Variants in WNT4 observed in about 807,000 individuals in gnomAD.
WNT4 encodes protein Wnt-4.
In WNT4, 16 loss-of-function variants were observed where a neutral mutation model predicts 34.5. That is an observed-to-expected ratio of 0.46 (90% CI 0.31 to 0.70). The LOEUF is 0.70. Among genes scored for constraint, WNT4 ranks in the 30% least tolerant of loss-of-function variants. The probability of loss-of-function intolerance (pLI) is 0.04; values close to 1 mark genes in which losing one functional copy is unlikely to be tolerated. For missense variants in WNT4, 379 were observed against 495.9 expected (o/e 0.76, Z 2.24); for synonymous variants, 200 against 211.9 (o/e 0.94, Z 0.49).
chr1:22,120,142 G>C lies in WNT4; in HGVS notation c.964C>G (p.Leu322Val). Reference sequence around the variant, plus strand: ...AATTTGCAGCTGCAGCGTTCAGCCAGCTCCACCTGCGCCGTGTGGAAGCCG... The same window carrying C: ...AATTTGCAGCTGCAGCGTTCAGCCACCTCCACCTGCGCCGTGTGGAAGCCG... ...GRGFHTAQVE[L>V]AERCSCKFHW... The change falls in exon 5 of 5, where the codon CTG (leucine) becomes GTG (valine). Residue 322 changes from leucine to valine, a missense_variant. Leu to Val is a conservative substitution (Grantham distance 32, BLOSUM62 1). Coordinates refer to ENST00000290167, the MANE Select transcript of WNT4 (RefSeq NM_030761.5). The C allele has an allele frequency of 1.2e-6, 2 of 1,613,398 alleles. No homozygotes were observed. Among genetic ancestry groups the C allele is most frequent in the African/African-American group, 2.7e-5 (2 of 75,058 alleles).
chr1:22,132,307 C>CT (rs1212944446), intron 1 of WNT4, among the ~76,000 whole-genome samples: 2 of 152,190 alleles, frequency 1.3e-5, no homozygotes, highest in African/African-American at 2.4e-5. Context: ...GCCAAGAAGG[C>CT]TGCATCTGGC....
intron 1 of WNT4, among the ~76,000 whole-genome samples, chr1:22,130,547 G>C (rs1393732297): frequency 6.6e-6 from 1 of 152,242 alleles, no homozygotes; most frequent in Non-Finnish European, 1.5e-5. Context: ...GTCTCCCAAG[G>C]GTTGGGGATT....
rs2124095375 is a variant in WNT4, at chr1:22,119,944, C to T, written c.*106G>A. The T allele has an allele frequency of 7.0e-7, 1 of 1,425,398 alleles. No homozygotes were observed. The highest frequency in any genetic ancestry group is 1.3e-5 in the South Asian group (1 of 78,990). 88.3% of individuals were successfully genotyped at this position (1,425,398 alleles called of 1,614,324 possible). ...TGAGGACCCAAAAACCAAACCAGAA[C>T]AAAAAATACAACCAGTATCTCTTGG... On this transcript the variant is annotated 3_prime_UTR_variant, in exon 5 of 5. Transcript: ENST00000290167.
chr1:22,124,768 G>A (rs545206287), intron 2 of WNT4, among the ~76,000 whole-genome samples: 1 of 152,288 alleles, frequency 6.6e-6, no homozygotes, highest in African/African-American at 2.4e-5. Context: ...AGGAGTGTTT[G>A]GAGAACTGGC....
chr1:22,136,007 T>G (rs376339764), intron 1 of WNT4, among the ~76,000 whole-genome samples: 6 of 152,162 alleles, frequency 3.9e-5, no homozygotes, highest in African/African-American at 1.2e-4. Flanking sequence ...TTACTTCCAG[T>G]ATCCTGGTAC....
chr1:22,119,849 G>T lies in WNT4; in HGVS notation c.*201C>A, dbSNP rs1645879266. 2 of 659,106 alleles carry T rather than the reference G, an allele frequency of 3.0e-6. No homozygotes were observed. The highest frequency in any genetic ancestry group is 1.8e-5 in the African/African-American group (1 of 54,972). 40.8% of individuals were successfully genotyped at this position (659,106 alleles called of 1,614,324 possible). On this transcript the variant is annotated 3_prime_UTR_variant, in exon 5 of 5. Coordinates refer to ENST00000290167, the MANE Select transcript of WNT4 (RefSeq NM_030761.5). ...CCCTTTGGTCAGTGGCAGCCACAAA[G>T]GCCCAGGCTTTGGGGAGGCCCTGGT...
chr1:22,120,522 G>A lies in WNT4; in HGVS notation c.589-5C>T. 8 of 1,605,406 alleles carry A rather than the reference G, an allele frequency of 5.0e-6. No homozygotes were observed. Among genetic ancestry groups the A allele is most frequent in the Non-Finnish European group, 6.0e-6 (7 of 1,176,348 alleles). On this transcript the variant is annotated splice_region_variant and splice_polypyrimidine_tract_variant and intron_variant, in intron 4 of 4. Coordinates refer to ENST00000290167, the MANE Select transcript of WNT4 (RefSeq NM_030761.5). ...CCGCATGTGTGTCAGGATGGCCTGTGGGAGAGGGTGGGGGAGAGGGGCCAT... is the reference window on the plus strand; with the variant it reads ...CCGCATGTGTGTCAGGATGGCCTGTAGGAGAGGGTGGGGGAGAGGGGCCAT...
At position 22,121,283 on chromosome 1, in the gene WNT4, C is replaced by A; in HGVS notation, c.516G>T (p.Val172=). ...GVAFSQSFVD[V]RERSKGASSS... ...ACGAGGCCCCCTTGCTTCTCTCCCGCACATCCACAAACGACTGTGAGAAGG... is the reference window on the plus strand; with the variant it reads ...ACGAGGCCCCCTTGCTTCTCTCCCGAACATCCACAAACGACTGTGAGAAGG... The change falls in exon 4 of 5, where the codon GTG becomes GTT. Residue 172 remains valine, a synonymous_variant. Transcript: ENST00000290167. The A allele has an allele frequency of 6.2e-7, 1 of 1,614,150 alleles. No individual in the cohort carries two copies. The highest frequency in any genetic ancestry group is 8.5e-7 in the Non-Finnish European group (1 of 1,180,016).
At chr1:22,135,976 C>T (rs887117683) in intron 1 of WNT4, among the ~76,000 whole-genome samples, 2 of 152,174 alleles carry the variant, frequency 1.3e-5, no homozygotes, top group Admixed American at 1.3e-4. Context: ...CATTTTCTGA[C>T]TCTTGGTTTC....
Position 22,137,969 on chromosome 1 carries a change from G to A in WNT4, c.77+4877C>T, listed in dbSNP as rs1324132472. On this transcript the variant is annotated intron_variant, in intron 1 of 4. Coordinates refer to ENST00000290167, the MANE Select transcript of WNT4 (RefSeq NM_030761.5). This position sits in a 1 kb window ranked among gnomAD's most constrained non-coding sequence, Gnocchi z 5.3. The stretch of plus-strand genomic sequence containing the variant: ...CAACAGCTGAGAACCCTCTAAACAA[G>A]CCCACCTTTCATTCATCCATCAAAG... Among the ~76,000 whole-genome samples the A allele has an allele frequency of 6.6e-6, 1 of 152,184 alleles. No individual in the cohort carries two copies. The highest frequency in any genetic ancestry group is 1.5e-5 in the Non-Finnish European group (1 of 68,034).
intron 2 of WNT4, among the ~76,000 whole-genome samples, chr1:22,122,434 G>A (rs1465954321): frequency 1.3e-5 from 2 of 152,190 alleles, no homozygotes; most frequent in South Asian, 2.1e-4. Context: ...TTTGGTGCCC[G>A]CCCTCGTCCC....
At chr1:22,122,205 T>C (rs566919724) in intron 2 of WNT4, among the ~76,000 whole-genome samples, 1 of 152,300 alleles carries the variant, frequency 6.6e-6, no homozygotes, top group East Asian at 1.9e-4. Context: ...CAACAGCTTC[T>C]ACGTAACCCC....
intron 2 of WNT4, among the ~76,000 whole-genome samples, chr1:22,123,672 A>G (rs1478257355): frequency 6.6e-6 from 1 of 152,214 alleles, no homozygotes; most frequent in East Asian, 1.9e-4. Context: ...ATACCCAGCC[A>G]GGAAGTGGTG....
At chr1:22,122,132 C>T (rs1211619199) in intron 2 of WNT4, among the ~76,000 whole-genome samples, 7 of 152,192 alleles carry the variant, frequency 4.6e-5, no homozygotes, top group African/African-American at 7.2e-5. Context: ...TGATCTTGCC[C>T]CTTCCTCTGA....
chr1:22,138,556 C>A (rs1300451923), intron 1 of WNT4, among the ~76,000 whole-genome samples: 2 of 152,220 alleles, frequency 1.3e-5, no homozygotes, highest in African/African-American at 4.8e-5. Flanking sequence ...CATCCAGTCC[C>A]AAATACCAGT....
chr1:22,136,100 C>T (rs990742130), intron 1 of WNT4, among the ~76,000 whole-genome samples: 1 of 152,200 alleles, frequency 6.6e-6, no homozygotes, highest in African/African-American at 2.4e-5. Context: ...TCCCATCTCA[C>T]TGTATGTATT....
chr1:22,120,825 G>A (rs1048677925), intron 4 of WNT4, among the ~76,000 whole-genome samples: 1 of 152,132 alleles, frequency 6.6e-6, no homozygotes, highest in African/African-American at 2.4e-5. Context: ...TAACCTCCAC[G>A]GGAACCTTGG....
Position 22,120,101 on chromosome 1 carries a change from G to A in WNT4, c.1005C>T (p.Phe335=), listed in dbSNP as rs760824817. 131 of 1,612,622 alleles carry A rather than the reference G, an allele frequency of 8.1e-5. No homozygotes were observed. Among genetic ancestry groups the A allele is most frequent in the Non-Finnish European group, 1.0e-4 (118 of 1,179,764 alleles). ...GCCGCTGGCACTGCCGGCACTTGAC[G>A]AAGCAGCACCAGTGGAATTTGCAGC... ...RCSCKFHWCC[F]VKCRQCQRLV... The change falls in exon 5 of 5, where the codon TTC becomes TTT. Residue 335 remains phenylalanine, a synonymous_variant. Transcript: ENST00000290167.
At position 22,121,507 on chromosome 1, in the gene WNT4, C is replaced by T. The variant is rs1386038615; in HGVS notation, c.383G>A (p.Cys128Tyr). 4 of 1,613,934 alleles carry T rather than the reference C, an allele frequency of 2.5e-6. No individual in the cohort carries two copies. Among genetic ancestry groups the T allele is most frequent in the Non-Finnish European group, 2.5e-6 (3 of 1,180,034 alleles). ...GCACTTCTCCAGCTCCCCACTGCTG[C>T]ACGCCCGCGTCACTGCAAAGGCCAC... ...AGVAFAVTRA[C>Y]SSGELEKCGC... Residue 128 changes from cysteine (C) to tyrosine (Y), a missense_variant, in exon 3 of 5, where the codon TGC becomes TAC. Physicochemically the swap from Cys to Tyr is radical, Grantham distance 194 (BLOSUM62 -2). Around this residue, in one of 2 missense-constraint regions of WNT4, gnomAD observed 313 missense variants for 445.8 expected, o/e 0.70. Transcript: ENST00000290167.
Sources: allele counts gnomAD v4.1 joint callset (sites outside exome capture counted in the v4.1 genomes callset), GRCh38; gene constraint gnomAD v4.1.1; regional missense constraint gnomAD v4.1.1; non-coding constraint Gnocchi (gnomAD v3.1); transcripts MANE v1.5; gene names NCBI Gene and HGNC (gene_info 2026-07-23, HGNC 2026-07-21).